Variants in PCDHGB3 observed in about 807,000 individuals in gnomAD.
PCDHGB3 encodes the protein protocadherin gamma-B3.
In PCDHGB3, 40 loss-of-function variants were observed where a neutral mutation model predicts 59.2. The observed-to-expected ratio is 0.68, with a 90% confidence interval of 0.52 to 0.88. The LOEUF is 0.88. Among genes scored for constraint, PCDHGB3 ranks in the 40% least tolerant of loss-of-function variants. PCDHGB3 has a pLI of 0.00. For missense variants in PCDHGB3, 1,309 were observed against 1,187.9 expected (o/e 1.10, Z -1.50); for synonymous variants, 581 against 503.6 (o/e 1.15, Z -2.06).
At chr5:141,421,522 A>G in intron 1 of PCDHGB3, 1 of 1,614,068 alleles carries the variant, frequency 6.2e-7, no homozygotes, top group Non-Finnish European at 8.5e-7. Context: ...GCTCTGTGAG[A>G]CGGTGTCCTC....
rs771503687 is a variant in PCDHGB3 at position 141,383,368 on chromosome 5, G to T, written c.2415+10559G>T. 3 of 1,614,014 alleles carry T rather than the reference G, an allele frequency of 1.9e-6. No individual in the cohort carries two copies. In the East Asian group the frequency reaches 6.7e-5, roughly 36 times the overall value. ...TGGGGTTCGGTTTCCGTTAAGCGAG[G>T]CTGGGGATCCAGATGTGGGCACGAA... On this transcript the variant is annotated intron_variant, in intron 1 of 3. Coordinates refer to ENST00000576222, the MANE Select transcript of PCDHGB3 (RefSeq NM_018924.5).
In PCDHGB3 at chr5:141,431,937, A is replaced by T; in HGVS notation, c.2415+59128A>T. On this transcript the variant is annotated intron_variant, in intron 1 of 3. Coordinates refer to ENST00000576222, the MANE Select transcript of PCDHGB3 (RefSeq NM_018924.5). The surrounding 1 kb of genome is among the most constrained non-coding windows in gnomAD (Gnocchi z 4.8). ...TTCATCCAAGGAAATCTGCCCTTTAAATTAGAAAAATCTTACGGAAATTAC... is the reference window on the plus strand; with the variant it reads ...TTCATCCAAGGAAATCTGCCCTTTATATTAGAAAAATCTTACGGAAATTAC... The T allele has an allele frequency of 6.2e-7, 1 of 1,614,144 alleles. No individual in the cohort carries two copies. The highest frequency in any genetic ancestry group is 8.5e-7 in the Non-Finnish European group (1 of 1,180,014).
At chr5:141,382,791 C>T in intron 1 of PCDHGB3, 1 of 942,536 alleles carries the variant, frequency 1.1e-6, no homozygotes, top group Non-Finnish European at 1.6e-6. Context: ...AGCCTCTATC[C>T]TGCTGGATTC....
intron 1 of PCDHGB3, chr5:141,408,115 C>A (rs2095044760): frequency 9.6e-6 from 14 of 1,461,430 alleles, no homozygotes; most frequent in South Asian, 2.9e-5. Flanking sequence ...GGGACTCCTC[C>A]TGTCCTGGGC....
At chr5:141,419,094 G>C in intron 1 of PCDHGB3, 2 of 1,613,894 alleles carry the variant, frequency 1.2e-6, no homozygotes, top group Non-Finnish European at 1.7e-6. Context: ...GCCCTGGATC[G>C]GGAGCAGACC....
At chr5:141,404,000 A>G (rs758512396) in intron 1 of PCDHGB3, 1 of 1,613,956 alleles carries the variant, frequency 6.2e-7, no homozygotes. Flanking sequence ...AGTGACCATT[A>G]CATCTCTGTT....
At chr5:141,399,095 T>G (rs1342683408) in intron 1 of PCDHGB3, 2 of 1,613,850 alleles carry the variant, frequency 1.2e-6, no homozygotes, top group East Asian at 2.2e-5. Context: ...GGTGGTGGAC[T>G]GGTTGCACAA....
At chr5:141,384,494 T>C in intron 1 of PCDHGB3, 1 of 1,613,972 alleles carries the variant, frequency 6.2e-7, no homozygotes, top group African/African-American at 1.3e-5. Flanking sequence ...CAACTAAGAG[T>C]GACTGCACAT....
At chr5:141,442,253 G>A (rs910914393) in intron 1 of PCDHGB3, 2 of 153,064 alleles carry the variant, frequency 1.3e-5, no homozygotes, top group Non-Finnish European at 2.9e-5. Flanking sequence ...TGCATTGTTT[G>A]TGCTGGTTTT....
chr5:141,491,616 C>T lies in PCDHGB3; in HGVS notation c.2416-3191C>T. 1 of 1,613,944 alleles carries T rather than the reference C, an allele frequency of 6.2e-7. No homozygotes were observed. Among genetic ancestry groups the T allele is most frequent in the South Asian group, 1.1e-5 (1 of 91,082 alleles). On this transcript the variant is annotated intron_variant, in intron 1 of 3. Coordinates refer to ENST00000576222, the MANE Select transcript of PCDHGB3 (RefSeq NM_018924.5). The surrounding 1 kb of genome is among the most constrained non-coding windows in gnomAD (Gnocchi z 6.9). ...GCAGTGACTTCACTTTTCTAAGACC[C>T]CTCAGCGTTCAGCAGCCCACAGCTC...
chr5:141,400,232 C>T (rs2093984634), intron 1 of PCDHGB3: 1 of 1,614,032 alleles, frequency 6.2e-7, no homozygotes. Context: ...TTCCTCCTGG[C>T]CGTGATTCTG....
chr5:141,510,289 A>T (rs1279501931), intron 3 of PCDHGB3, among the ~76,000 whole-genome samples: 3 of 151,754 alleles, frequency 2.0e-5, no homozygotes, highest in Non-Finnish European at 4.4e-5. Context: ...AAAAAAAAAA[A>T]AATGCTGTTT....
At position 141,486,891 on chromosome 5, in the gene PCDHGB3, G is replaced by C. The variant is rs201201426; in HGVS notation, c.2416-7916G>C. On this transcript the variant is annotated intron_variant, in intron 1 of 3. Transcript: ENST00000576222. This position sits in a 1 kb window ranked among gnomAD's most constrained non-coding sequence, Gnocchi z 5.0. ...GTGCTCCGTCCTCGGGCCCGGCCTGGTTCCTTATGTCCCCAAGCACTGCCT... is the reference window on the plus strand; with the variant it reads ...GTGCTCCGTCCTCGGGCCCGGCCTGCTTCCTTATGTCCCCAAGCACTGCCT... 14 of 1,614,118 alleles carry C rather than the reference G, an allele frequency of 8.7e-6. No homozygotes were observed. The highest frequency in any genetic ancestry group is 3.3e-5 in the Admixed American group (2 of 60,008).
chr5:141,418,497 CCG>C, intron 1 of PCDHGB3: 1 of 1,613,994 alleles, frequency 6.2e-7, no homozygotes, highest in Non-Finnish European at 8.5e-7. Flanking sequence ...TTGGTACTGA[CCG>C]CCTTAGATGG....
At chr5:141,482,458 C>T (rs986628162) in intron 1 of PCDHGB3, among the ~76,000 whole-genome samples, 1 of 147,624 alleles carries the variant, frequency 6.8e-6, no homozygotes, top group Non-Finnish European at 1.5e-5. Context: ...ATTAGCATCC[C>T]TATGTGCCAG....
rs73280911 is a variant in PCDHGB3, at chr5:141,446,356, A to C, written c.2416-48451A>C. Among the ~76,000 whole-genome samples the C allele has an allele frequency of 2.0e-5, 3 of 152,188 alleles. No individual in the cohort carries two copies. In the South Asian group the frequency reaches 6.2e-4, roughly 31 times the overall value. On this transcript the variant is annotated intron_variant, in intron 1 of 3. Transcript: ENST00000576222. ...ACTGGATGGACAAAGCTACCATTTGATGAGAATGGAAGACTAAAGAATGAT... is the reference window on the plus strand; with the variant it reads ...ACTGGATGGACAAAGCTACCATTTGCTGAGAATGGAAGACTAAAGAATGAT...
At chr5:141,417,875 G>C (rs2096176700) in intron 1 of PCDHGB3, 2 of 1,556,360 alleles carry the variant, frequency 1.3e-6, no homozygotes, top group Non-Finnish European at 1.7e-6. Context: ...AGGGAGCTGC[G>C]CGCAGAGGCG....
intron 1 of PCDHGB3, among the ~76,000 whole-genome samples, chr5:141,461,165 TG>T (rs2099010296): frequency 6.6e-6 from 1 of 152,146 alleles, no homozygotes; most frequent in South Asian, 2.1e-4. Flanking sequence ...ATAGTGGGAT[TG>T]CTGGATTGAA....
At chr5:141,456,217 A>G (rs1328039447) in intron 1 of PCDHGB3, among the ~76,000 whole-genome samples, 1 of 152,064 alleles carries the variant, frequency 6.6e-6, no homozygotes, top group East Asian at 1.9e-4. Context: ...CCCTGTGGCG[A>G]TATCAAACTA....
Sources: gnomAD v4.1 joint callset for allele counts (sites outside exome capture counted in the v4.1 genomes callset) on GRCh38, gnomAD v4.1.1 for gene constraint, Gnocchi (gnomAD v3.1) non-coding constraint, MANE v1.5 for transcripts, NCBI Gene and HGNC (gene_info 2026-07-23, HGNC 2026-07-21) for gene names.